SGMS2: variants seen among roughly 807,000 people sequenced by gnomAD.
SGMS2 encodes sphingomyelin synthase 2, also known as phosphatidylcholine:ceramide cholinephosphotransferase 2.
A neutral mutation model predicts 43.8 loss-of-function variants in SGMS2; 21 were observed. That is an observed-to-expected ratio of 0.48 (90% CI 0.34 to 0.69). The LOEUF is 0.69. SGMS2 is among the 30% of genes least tolerant of loss of function. The pLI is 0.01. For synonymous variants in SGMS2, 167 were observed against 160.6 expected (o/e 1.04, Z -0.30); for missense variants, 384 against 443.2 (o/e 0.87, Z 1.20).
intron 2 of SGMS2, among the ~76,000 whole-genome samples, chr4:107,875,370 T>C (rs1385864937): frequency 2.6e-5 from 4 of 151,778 alleles, no homozygotes; most frequent in Admixed American, 6.6e-5. Context: ...ATGGATGGAG[T>C]TGGAGGCCAT....
intron 6 of SGMS2, among the ~76,000 whole-genome samples, chr4:107,909,391 G>A (rs1731916275): frequency 6.6e-6 from 1 of 152,062 alleles, no homozygotes; most frequent in East Asian, 1.9e-4. Flanking sequence ...GATTATAGGC[G>A]TGAACCACCG....
chr4:107,844,687 C>G (rs578252165), intron 1 of SGMS2, among the ~76,000 whole-genome samples: 1 of 152,230 alleles, frequency 6.6e-6, no homozygotes, highest in East Asian at 1.9e-4. Context: ...GCCTGAGCAA[C>G]AGAACAAGAT....
chr4:107,875,934 C>T (rs1288312788), intron 2 of SGMS2, among the ~76,000 whole-genome samples: 2 of 152,156 alleles, frequency 1.3e-5, no homozygotes, highest in Admixed American at 6.5e-5. Flanking sequence ...ACACTAGGAG[C>T]TTTCTAGCCC....
intron 2 of SGMS2, among the ~76,000 whole-genome samples, chr4:107,888,675 C>T (rs1006746143): frequency 1.3e-5 from 2 of 151,998 alleles, no homozygotes; most frequent in African/African-American, 4.8e-5. Context: ...TGGTTTTATA[C>T]ATAACCTTTA....
intron 1 of SGMS2, among the ~76,000 whole-genome samples, chr4:107,858,107 T>G (rs1300465436): frequency 2.7e-5 from 4 of 149,196 alleles, no homozygotes; most frequent in Admixed American, 1.3e-4. Flanking sequence ...AGCCTTGCCC[T>G]GACTCTGACT....
chr4:107,914,433 T>C lies in SGMS2; in HGVS notation c.*3880T>C, dbSNP rs1330738402. ...ATTATTTAATTTACCTCCTATGCAA[T>C]GATTAATGCTGCAAAATGTATGGTT... On this transcript the variant is annotated 3_prime_UTR_variant, in exon 7 of 7. Coordinates refer to ENST00000690982, the MANE Select transcript of SGMS2 (RefSeq NM_001375905.1). 3 of 152,144 alleles carry C rather than the reference T, an allele frequency of 2.0e-5. No homozygotes were observed. The highest frequency in any genetic ancestry group is 2.0e-4 in the Admixed American group (3 of 15,266). The allele number at this position is 152,144 out of a possible 1,614,324, so 9.4% of individuals were successfully genotyped here. A position where few individuals can be genotyped will look rare whatever the true frequency, so the allele number is the denominator to read the frequency against.
Position 107,895,557 on chromosome 4 carries a change from G to T in SGMS2, c.4G>T (p.Asp2Tyr). 1 of 1,612,198 alleles carries T rather than the reference G, an allele frequency of 6.2e-7. No homozygotes were observed. Among genetic ancestry groups the T allele is most frequent in the Non-Finnish European group, 8.5e-7 (1 of 1,178,946 alleles). M[D>Y]IIETAKLEEH... ...TTGATCTGAAGACTAGGGGACAATG[G>T]ATATCATAGAGACAGCAAAACTTGA... is the stretch of plus-strand genomic sequence containing the variant. Residue 2 changes from aspartate (D) to tyrosine (Y), a missense_variant, in exon 3 of 7, where the codon GAT (aspartate) becomes TAT (tyrosine). Physicochemically the swap from Asp to Tyr is radical, Grantham distance 160 (BLOSUM62 -3). Transcript: ENST00000690982.
chr4:107,853,959 A>T (rs762234052), intron 1 of SGMS2, among the ~76,000 whole-genome samples: 2 of 152,246 alleles, frequency 1.3e-5, no homozygotes, highest in Non-Finnish European at 2.9e-5. Context: ...TCCTTGCAGA[A>T]TGCTACATTT....
At chr4:107,861,798 G>T (rs889565505) in intron 2 of SGMS2, among the ~76,000 whole-genome samples, 1 of 152,144 alleles carries the variant, frequency 6.6e-6, no homozygotes, top group African/African-American at 2.4e-5. Context: ...ATATCTATTT[G>T]ATTTTTAATA....
intron 2 of SGMS2, among the ~76,000 whole-genome samples, chr4:107,870,357 G>A (rs972243032): frequency 3.3e-5 from 5 of 152,052 alleles, no homozygotes; most frequent in Admixed American, 6.6e-5. Context: ...GTTTGAAGTC[G>A]GGTAATAGCC....
At chr4:107,885,844 G>A (rs1397450660) in intron 2 of SGMS2, among the ~76,000 whole-genome samples, 1 of 152,074 alleles carries the variant, frequency 6.6e-6, no homozygotes, top group African/African-American at 2.4e-5. Context: ...TCACTTACTT[G>A]ACTATTGGTT....
At chr4:107,828,573 T>G (rs975515255) in intron 1 of SGMS2, among the ~76,000 whole-genome samples, 5 of 152,230 alleles carry the variant, frequency 3.3e-5, no homozygotes, top group African/African-American at 1.2e-4. Context: ...CCCCTATCGC[T>G]GAACACTTAG....
At chr4:107,860,282 A>C (rs1578546220) in intron 2 of SGMS2, among the ~76,000 whole-genome samples, 1 of 152,272 alleles carries the variant, frequency 6.6e-6, no homozygotes, top group South Asian at 2.1e-4. Flanking sequence ...TTTTTAAAGC[A>C]GTTACAGAAT....
At chr4:107,896,829 C>T (rs538850743) in intron 3 of SGMS2, among the ~76,000 whole-genome samples, 3 of 152,236 alleles carry the variant, frequency 2.0e-5, no homozygotes, top group Admixed American at 2.0e-4. Flanking sequence ...TCCATAAAAA[C>T]GAAGGCTCCT....
intron 5 of SGMS2, among the ~76,000 whole-genome samples, chr4:107,904,016 T>G (rs1332938280): frequency 6.6e-6 from 1 of 152,222 alleles, no homozygotes. Context: ...TAGTTCACAT[T>G]ATACAAAATC....
At chr4:107,837,413 G>C (rs1465337160) in intron 1 of SGMS2, among the ~76,000 whole-genome samples, 1 of 152,196 alleles carries the variant, frequency 6.6e-6, no homozygotes, top group Non-Finnish European at 1.5e-5. Context: ...AGACTCAGCA[G>C]AGTGAACAGA....
chr4:107,878,396 C>T (rs1052162506), intron 2 of SGMS2, among the ~76,000 whole-genome samples: 2 of 152,242 alleles, frequency 1.3e-5, no homozygotes, highest in African/African-American at 4.8e-5. Context: ...ATGATATGCT[C>T]CCCACTCTCA....
At position 107,862,155 on chromosome 4, in the gene SGMS2, C is replaced by T. The variant is rs533233548; in HGVS notation, c.-245+3602C>T. Reference sequence around the variant, plus strand: ...CGCATAGAAATGACTGGGAAAGTAGCGGAGACCTAAAATAATAGAGGAAAA... The same window carrying T: ...CGCATAGAAATGACTGGGAAAGTAGTGGAGACCTAAAATAATAGAGGAAAA... On this transcript the variant is annotated intron_variant, in intron 2 of 6. Transcript: ENST00000690982. Among the ~76,000 whole-genome samples the T allele has an allele frequency of 6.3e-4, 96 of 152,212 alleles. No individual in the cohort carries two copies. The South Asian group carries it at 0.016, about 25-fold the overall frequency.
chr4:107,891,397 TTGTTGA>T (rs1466198214), intron 2 of SGMS2, among the ~76,000 whole-genome samples: 5 of 152,108 alleles, frequency 3.3e-5, no homozygotes, highest in Non-Finnish European at 7.4e-5. Flanking sequence ...GACCAGCTGG[TTGTTGA>T]TTTTAACTTT....
Sources: gnomAD v4.1 joint callset for allele counts (sites outside exome capture counted in the v4.1 genomes callset) on GRCh38, gnomAD v4.1.1 for gene constraint, MANE v1.5 for transcripts, NCBI Gene and HGNC (gene_info 2026-07-23, HGNC 2026-07-21) for gene names.